RIMBP2: variants seen among roughly 807,000 people sequenced by gnomAD.
RIMBP2 encodes RIMS-binding protein 2.
A neutral mutation model predicts 118.6 loss-of-function variants in RIMBP2; 48 were observed. The ratio of observed to expected loss-of-function variants is 0.40; its 90% CI spans 0.32 to 0.51. The LOEUF is 0.51. RIMBP2 is among the 20% of genes least tolerant of loss of function. The probability of loss-of-function intolerance (pLI) is 0.41; values close to 1 mark genes in which losing one functional copy is unlikely to be tolerated. For missense variants in RIMBP2, 1,551 were observed against 1,768.3 expected (o/e 0.88, Z 2.20); for synonymous variants, 762 against 742.9 (o/e 1.03, Z -0.42).
At chr12:130,705,898 G>C (rs10083153) in intron 1 of RIMBP2, among the ~76,000 whole-genome samples, 59,129 of 152,170 alleles carry the variant, frequency 0.39, 14,151 homozygotes, top group African/African-American at 0.68. Context: ...GTGCAAAAGT[G>C]TCTCCCTCCT....
chr12:130,417,925 A>G (rs1409588031), intron 17 of RIMBP2, among the ~76,000 whole-genome samples: 1 of 152,130 alleles, frequency 6.6e-6, no homozygotes, highest in Non-Finnish European at 1.5e-5. Context: ...GTCTCACAAC[A>G]CCATCAGGGA....
intron 1 of RIMBP2, among the ~76,000 whole-genome samples, chr12:130,705,737 C>T (rs1320998578): frequency 3.3e-5 from 5 of 152,254 alleles, no homozygotes; most frequent in Admixed American, 2.0e-4. Context: ...CCTGCAAAAA[C>T]GTCCCAACAC....
At chr12:130,468,953 T>G (rs953526434) in intron 6 of RIMBP2, 1 of 152,126 alleles carries the variant, frequency 6.6e-6, no homozygotes, top group Non-Finnish European at 1.5e-5. Context: ...GGGGAGGCCC[T>G]GCTTGTGGAG....
At chr12:130,501,397 C>T (rs1411918173) in intron 4 of RIMBP2, among the ~76,000 whole-genome samples, 1 of 152,186 alleles carries the variant, frequency 6.6e-6, no homozygotes, top group African/African-American at 2.4e-5. Flanking sequence ...AACTATGCCA[C>T]AGTCACTCCC....
chr12:130,457,467 T>TC (rs1317638860), intron 6 of RIMBP2, among the ~76,000 whole-genome samples: 12 of 152,164 alleles, frequency 7.9e-5, no homozygotes, highest in Admixed American at 6.5e-5. Flanking sequence ...TCCTCCCAGG[T>TC]CAGAGGTGCA....
chr12:130,708,664 C>T (rs141903880), intron 1 of RIMBP2, among the ~76,000 whole-genome samples: 28 of 152,162 alleles, frequency 1.8e-4, no homozygotes, highest in Middle Eastern at 3.4e-3. Context: ...CCAGCCTGGG[C>T]GACACAGTGA....
intron 6 of RIMBP2, among the ~76,000 whole-genome samples, chr12:130,457,707 C>T (rs1193885241): frequency 1.3e-5 from 2 of 152,254 alleles, no homozygotes; most frequent in African/African-American, 4.8e-5. Context: ...GCTACACTCT[C>T]GGCCCCAAGC....
chr12:130,496,230 T>A (rs1396777652), intron 4 of RIMBP2, among the ~76,000 whole-genome samples: 1 of 152,130 alleles, frequency 6.6e-6, no homozygotes, highest in Non-Finnish European at 1.5e-5. Flanking sequence ...AGTTAATAAA[T>A]CTCACAAGAT....
At chr12:130,455,367 C>T (rs2079340278) in intron 7 of RIMBP2, among the ~76,000 whole-genome samples, 1 of 152,112 alleles carries the variant, frequency 6.6e-6, no homozygotes, top group African/African-American at 2.4e-5. Context: ...CCCCACGTAT[C>T]GTCTGCCCGC....
In RIMBP2 at chr12:130,407,842, C is replaced by T; in HGVS notation, c.3590-13G>A. 1 of 1,608,846 alleles carries T rather than the reference C, an allele frequency of 6.2e-7. No homozygotes were observed. The highest frequency in any genetic ancestry group is 8.5e-7 in the Non-Finnish European group (1 of 1,175,256). ...CTCCTGCTTCTCTCTGTTCAGATCA[C>T]AAGGGGGAAAGAAATCCATCATGAG... On this transcript the variant is annotated splice_polypyrimidine_tract_variant and intron_variant, in intron 19 of 22. Coordinates refer to ENST00000690449, the MANE Select transcript of RIMBP2 (RefSeq NM_001393629.1).
At chr12:130,650,958 TAAAAA>T (rs397700189) in intron 1 of RIMBP2, among the ~76,000 whole-genome samples, 16 of 125,602 alleles carry the variant, frequency 1.3e-4, no homozygotes, top group African/African-American at 2.1e-4. Context: ...TTGTTTTTTT[TAAAAA>T]AAAAAAAAAA....
chr12:130,645,997 T>A (rs1594134563), intron 1 of RIMBP2, among the ~76,000 whole-genome samples: 1 of 152,066 alleles, frequency 6.6e-6, no homozygotes. Flanking sequence ...AACAACACTT[T>A]GCGTTTCACC....
intron 2 of RIMBP2, among the ~76,000 whole-genome samples, chr12:130,584,481 TCAC>T (rs1437036737): frequency 3.0e-4 from 22 of 73,082 alleles, no homozygotes; most frequent in African/African-American, 1.1e-3. Flanking sequence ...CTCATTGCCA[TCAC>T]CACCATCACA....
intron 2 of RIMBP2, among the ~76,000 whole-genome samples, chr12:130,587,577 G>A (rs960587922): frequency 1.1e-5 from 1 of 89,760 alleles, no homozygotes; most frequent in African/African-American, 4.5e-5. Flanking sequence ...ACTATCGCAA[G>A]AACAAAAAAC....
In RIMBP2 at chr12:130,535,738, CATATATATATATATATATATATATATAT is replaced by C. The variant is rs55887629; in HGVS notation, c.-216-17849_-216-17822del. Among the ~76,000 whole-genome samples the C allele has an allele frequency of 1.2e-4, 8 of 66,742 alleles. No individual in the cohort carries two copies. In the East Asian group the frequency reaches 3.6e-3, roughly 30 times the overall value. 43.8% of individuals were successfully genotyped at this position (66,742 alleles called of 152,430 possible). On this transcript the variant is annotated intron_variant, in intron 2 of 22. Transcript: ENST00000690449. Reference sequence around the variant, plus strand: ...ATATACATATATATACATATATATACATATATATATATATATATATATATATATATATATATATATATATACACATATT... The same window carrying C: ...ATATACATATATATACATATATATACATATATATATATATATACACATATT...
chr12:130,440,777 C>A (rs2078054897), intron 11 of RIMBP2, among the ~76,000 whole-genome samples: 1 of 152,208 alleles, frequency 6.6e-6, no homozygotes. Flanking sequence ...GACGTGCTGT[C>A]CCCCTCAGGC....
intron 1 of RIMBP2, among the ~76,000 whole-genome samples, chr12:130,693,472 G>T (rs2065428129): frequency 6.6e-6 from 1 of 152,158 alleles, no homozygotes; most frequent in Non-Finnish European, 1.5e-5. Context: ...ATTAAGAACT[G>T]GTGACCCCCA....
chr12:130,524,123 A>C (rs1167785763), intron 2 of RIMBP2, among the ~76,000 whole-genome samples: 1 of 152,144 alleles, frequency 6.6e-6, no homozygotes, highest in Non-Finnish European at 1.5e-5. Flanking sequence ...GGAGATGGAC[A>C]CTGCTCCTGA....
Position 130,647,892 on chromosome 12 carries a change from C to T in RIMBP2, c.-351-19436G>A, listed in dbSNP as rs997794842. 1.1e-4 allele frequency among the ~76,000 whole-genome samples: 16 copies of T among 143,070 alleles called. 1 individual carries two copies. Among genetic ancestry groups the T allele is most frequent in the Admixed American group, 4.2e-4 (6 of 14,260 alleles). 93.9% of individuals were successfully genotyped at this position (143,070 alleles called of 152,430 possible). A position where few individuals can be genotyped will look rare whatever the true frequency, so the allele number is the denominator to read the frequency against. On this transcript the variant is annotated intron_variant, in intron 1 of 22. Transcript: ENST00000690449. ...TCCACATAAGGTTCTCCCCGCTAGA[C>T]GCCCTGCACTAAATGCCTCTCTTTC...
Sources: allele counts gnomAD v4.1 joint callset (sites outside exome capture counted in the v4.1 genomes callset), GRCh38; gene constraint gnomAD v4.1.1; transcripts MANE v1.5; gene names NCBI Gene and HGNC (gene_info 2026-07-23, HGNC 2026-07-21).